Variants in NELL1 observed in about 807,000 individuals in gnomAD.
NELL1 encodes protein kinase C-binding protein NELL1.
NELL1 carries 76 observed loss-of-function variants against 107.4 expected under a neutral mutation model. That is an observed-to-expected ratio of 0.71 (90% CI 0.59 to 0.86). NELL1 has a LOEUF of 0.86. Ranked by LOEUF, NELL1 falls within the 40% of genes least tolerant of loss-of-function variation. NELL1 has a pLI of 0.00. For missense variants in NELL1, 1,024 were observed against 1,005.5 expected, an observed-to-expected ratio of 1.02 and a Z score of -0.25; for synonymous variants, 353 against 341.2, an observed-to-expected ratio of 1.03 and a Z score of -0.38.
intron 3 of NELL1, among the ~76,000 whole-genome samples, chr11:20,826,818 G>A (rs1857894859): frequency 6.6e-6 from 1 of 151,216 alleles, no homozygotes; most frequent in African/African-American, 2.4e-5. Flanking sequence ...AGGTGAACAA[G>A]ACCTTTGCAT....
chr11:21,504,270 C>T (rs1855226231), intron 15 of NELL1: 1 of 152,090 alleles, frequency 6.6e-6, no homozygotes, highest in African/African-American at 2.4e-5. Flanking sequence ...ATGATAATAC[C>T]TTATATTTGT....
intron 14 of NELL1, among the ~76,000 whole-genome samples, chr11:21,322,913 G>A (rs750043247): frequency 5.3e-5 from 8 of 151,970 alleles, no homozygotes; most frequent in Non-Finnish European, 1.2e-4. Context: ...GATGCCATTA[G>A]ACCCTCTGCT....
At chr11:20,986,714 G>C (rs1030497343) in intron 12 of NELL1, among the ~76,000 whole-genome samples, 3 of 151,678 alleles carry the variant, frequency 2.0e-5, no homozygotes, top group African/African-American at 7.3e-5. Context: ...AGACATTTGG[G>C]CACCTTTTTT....
intron 14 of NELL1, among the ~76,000 whole-genome samples, chr11:21,311,047 A>C (rs1366993400): frequency 6.6e-6 from 1 of 152,142 alleles, no homozygotes; most frequent in African/African-American, 2.4e-5. Flanking sequence ...TGTGCGTTTC[A>C]GTAACAAAAT....
intron 2 of NELL1, among the ~76,000 whole-genome samples, chr11:20,702,271 A>G (rs1854813046): frequency 1.3e-5 from 2 of 152,156 alleles, no homozygotes; most frequent in South Asian, 2.1e-4. Flanking sequence ...CTTTGAAGCA[A>G]TTATGAATAG....
chr11:21,000,825 T>C (rs1241997018), intron 12 of NELL1: 1 of 152,192 alleles, frequency 6.6e-6, no homozygotes, highest in Non-Finnish European at 1.5e-5. Context: ...AGGTGGACAC[T>C]CTACTCCCCC....
intron 12 of NELL1, among the ~76,000 whole-genome samples, chr11:21,098,457 A>G (rs892849759): frequency 3.3e-5 from 5 of 152,122 alleles, no homozygotes; most frequent in Admixed American, 3.3e-4. Flanking sequence ...CTGAGCTCCT[A>G]AGAGCAGGTG....
intron 14 of NELL1, among the ~76,000 whole-genome samples, chr11:21,242,410 G>C (rs1211627459): frequency 2.0e-5 from 3 of 152,018 alleles, no homozygotes; most frequent in Non-Finnish European, 4.4e-5. Context: ...CTTTTGTCTT[G>C]CATTGAATTG....
At chr11:21,311,416 C>A (rs1038702070) in intron 14 of NELL1, among the ~76,000 whole-genome samples, 1 of 152,070 alleles carries the variant, frequency 6.6e-6, no homozygotes, top group Non-Finnish European at 1.5e-5. Flanking sequence ...TGTTTACATA[C>A]GTATATTTGG....
Position 20,908,497 on chromosome 11 carries a change from T to C in NELL1, c.604-9685T>C, listed in dbSNP as rs552318234. ...ACATGTTCTCACTCATAAGTGGGAG[T>C]TGAACAATGAGAACACATGGGCACA... is the stretch of plus-strand genomic sequence containing the variant. On this transcript the variant is annotated intron_variant, in intron 5 of 19. Coordinates refer to ENST00000357134, the MANE Select transcript of NELL1 (RefSeq NM_006157.5). Among the ~76,000 whole-genome samples, 18 of 151,438 alleles carry C rather than the reference T, an allele frequency of 1.2e-4. No individual in the cohort carries two copies. In the East Asian group the frequency reaches 2.9e-3, roughly 25 times the overall value.
chr11:21,371,001 A>T, intron 15 of NELL1, 53 bp downstream of exon 15: 1 of 1,300,340 alleles, frequency 7.7e-7, no homozygotes, highest in Non-Finnish European at 1.1e-6. Flanking sequence ...AGAAAGATTG[A>T]TTCAGAAAGA....
At chr11:20,962,570 G>C (rs1222710253) in intron 12 of NELL1, among the ~76,000 whole-genome samples, 1 of 152,190 alleles carries the variant, frequency 6.6e-6, no homozygotes, top group Middle Eastern at 3.2e-3. Context: ...TGCTAATGCT[G>C]TTTGGGATTC....
Position 20,700,779 on chromosome 11 carries a change from A to G in NELL1, c.184+22719A>G, listed in dbSNP as rs569386978. On this transcript the variant is annotated intron_variant, in intron 2 of 19. Transcript: ENST00000357134. ...CGGTGTTTGGTTTTCTGTCCTTGTG[A>G]TAGTTTGCTGAGAATGATGGTTTCC... 1.4e-4 allele frequency among the ~76,000 whole-genome samples: 21 copies of G among 151,494 alleles called. No individual in the cohort carries two copies. The South Asian group carries it at 4.4e-3, about 32-fold the overall frequency.
intron 12 of NELL1, among the ~76,000 whole-genome samples, chr11:21,016,252 C>T (rs2134294362): frequency 6.6e-6 from 1 of 152,188 alleles, no homozygotes; most frequent in East Asian, 1.9e-4. Context: ...CACTTTCTCC[C>T]TTTCAATAGG....
chr11:20,701,094 A>G (rs1005737493), intron 2 of NELL1, among the ~76,000 whole-genome samples: 2 of 152,186 alleles, frequency 1.3e-5, no homozygotes, highest in African/African-American at 2.4e-5. Flanking sequence ...ACTGTCTTCC[A>G]CAATGGTTGG....
chr11:21,380,635 A>G (rs546972883), intron 15 of NELL1, among the ~76,000 whole-genome samples: 2 of 152,044 alleles, frequency 1.3e-5, no homozygotes, highest in Non-Finnish European at 1.5e-5. Flanking sequence ...CACAGTTCTT[A>G]GAGTCACTTG....
chr11:21,115,019 C>A (rs1294434760), intron 13 of NELL1, among the ~76,000 whole-genome samples: 1 of 151,916 alleles, frequency 6.6e-6, no homozygotes, highest in East Asian at 1.9e-4. Flanking sequence ...TTAATTAAAG[C>A]CCTGCTGTGT....
At chr11:21,152,112 T>C (rs538141072) in intron 13 of NELL1, among the ~76,000 whole-genome samples, 69 of 152,324 alleles carry the variant, frequency 4.5e-4, no homozygotes, top group African/African-American at 1.6e-3. Flanking sequence ...AATCAACTTC[T>C]AATGTCCTGC....
chr11:21,101,682 G>A (rs1308280626), intron 12 of NELL1, among the ~76,000 whole-genome samples: 1 of 151,920 alleles, frequency 6.6e-6, no homozygotes, highest in Non-Finnish European at 1.5e-5. Context: ...TTTTTGATGG[G>A]GTTGTTTGTT....
Sources: gnomAD v4.1 joint callset for allele counts (sites outside exome capture counted in the v4.1 genomes callset) on GRCh38, gnomAD v4.1.1 for gene constraint, MANE v1.5 for transcripts, NCBI Gene and HGNC (gene_info 2026-07-23, HGNC 2026-07-21) for gene names.